Variants in COL6A5 observed in about 807,000 individuals in gnomAD.
The protein encoded by COL6A5 is collagen type VI alpha 5 chain.
Under a neutral mutation model 65.6 loss-of-function variants are expected in COL6A5, and 48 were observed. That is an observed-to-expected ratio of 0.73 (90% CI 0.58 to 0.93). The LOEUF is 0.93. Among genes scored for constraint, COL6A5 ranks in the 40% least tolerant of loss-of-function variants. The pLI is 0.00. For missense variants in COL6A5, 914 were observed against 928.3 expected (o/e 0.98, Z 0.20); for synonymous variants, 291 against 322.8 (o/e 0.90, Z 1.05).
At chr3:130,406,170 G>A (rs1320447967) in exon 16 of COL6A5, 2 of 1,550,500 alleles carry the variant, frequency 1.3e-6, no homozygotes, top group Middle Eastern at 1.7e-4. Context: ...ACTTGATGGG[G>A]AAGAGGTAAG....
chr3:130,465,684 C>T (rs891989583), intron 5 of COL6A5, among the ~76,000 whole-genome samples: 6 of 152,044 alleles, frequency 3.9e-5, no homozygotes, highest in Non-Finnish European at 8.8e-5. Flanking sequence ...AGGAAAATTT[C>T]ACAATGTCTG....
At chr3:130,450,839 G>A (rs1286447962) in intron 4 of COL6A5, among the ~76,000 whole-genome samples, 2 of 152,112 alleles carry the variant, frequency 1.3e-5, no homozygotes, top group Non-Finnish European at 2.9e-5. Flanking sequence ...TGTGGTGAGG[G>A]CATCAAAGTT....
chr3:130,429,428 C>T, upstream of COL6A5: 1 of 626,566 alleles, frequency 1.6e-6, no homozygotes, highest in South Asian at 2.3e-5. Context: ...AATACTTTAA[C>T]CTTGGCTTCC....
At chr3:130,366,158 G>A (rs1935332607) in intron 1 of COL6A5, among the ~76,000 whole-genome samples, 1 of 152,104 alleles carries the variant, frequency 6.6e-6, no homozygotes, top group South Asian at 2.1e-4. Context: ...GCCTTATGAA[G>A]TTGTGGCAAA....
At chr3:130,407,240 G>T (rs1394471741) in intron 17 of COL6A5, among the ~76,000 whole-genome samples, 1 of 152,152 alleles carries the variant, frequency 6.6e-6, no homozygotes, top group Admixed American at 6.5e-5. Flanking sequence ...ACTTCCTGGA[G>T]GGAGCATTAG....
At chr3:130,390,376 T>C (rs1355973843) in intron 6 of COL6A5, among the ~76,000 whole-genome samples, 1 of 152,096 alleles carries the variant, frequency 6.6e-6, no homozygotes, top group Non-Finnish European at 1.5e-5. Flanking sequence ...AAATTAAAAA[T>C]TTGAGACTTT....
At chr3:130,468,686 T>A in intron 5 of COL6A5, 109 bp from the exon 38 acceptor site, 1 of 727,544 alleles carries the variant, frequency 1.4e-6, no homozygotes, top group South Asian at 1.9e-5. Flanking sequence ...GCCATGAGTA[T>A]GGAAATGCAG....
chr3:130,428,257 A>G (rs1424431344), upstream of COL6A5, among the ~76,000 whole-genome samples: 1 of 152,184 alleles, frequency 6.6e-6, no homozygotes, highest in Non-Finnish European at 1.5e-5. Context: ...GATGCAGGCA[A>G]CAGGCCGTTA....
chr3:130,400,925 C>T (rs1001337935), intron 10 of COL6A5, 106 bp from the exon 11 acceptor site: 3 of 941,106 alleles, frequency 3.2e-6, no homozygotes, highest in Admixed American at 3.6e-5. Context: ...GTTTTTTTCC[C>T]CTTTTCAATT....
chr3:130,391,575 C>G (rs1936402409), exon 7 of COL6A5: 1 of 1,551,672 alleles, frequency 6.4e-7, no homozygotes, highest in Non-Finnish European at 8.7e-7. Context: ...AATGACACAG[C>G]ATTGGAACTG....
chr3:130,380,095 T>C (rs1180815235), intron 4 of COL6A5, 45 bp downstream of exon 4: 71 of 1,346,538 alleles, frequency 5.3e-5, no homozygotes, highest in Non-Finnish European at 6.9e-5. Context: ...TTAATATAAG[T>C]GGTTACCTAG....
At chr3:130,425,680 C>T (rs771942677) in intron 29 of COL6A5, among the ~76,000 whole-genome samples, 23 of 152,122 alleles carry the variant, frequency 1.5e-4, no homozygotes, top group East Asian at 9.7e-4. Context: ...GATTTAGTTA[C>T]ACTTCTGTAA....
chr3:130,400,281 C>T (rs1936772743), intron 10 of COL6A5, among the ~76,000 whole-genome samples: 1 of 152,200 alleles, frequency 6.6e-6, no homozygotes, highest in South Asian at 2.1e-4. Context: ...TGTCATGGAA[C>T]CCTGATGTTT....
At chr3:130,466,476 T>TA (rs1427063195) in intron 5 of COL6A5, among the ~76,000 whole-genome samples, 1 of 151,906 alleles carries the variant, frequency 6.6e-6, no homozygotes, top group African/African-American at 2.4e-5. Context: ...AAGCAGTACT[T>TA]ACGGGAAAAT....
intron 5 of COL6A5, among the ~76,000 whole-genome samples, chr3:130,467,268 G>T (rs1020589708): frequency 6.6e-6 from 1 of 151,796 alleles, no homozygotes; most frequent in Admixed American, 6.6e-5. Context: ...AGGGAGGGGG[G>T]AATAAAGAAG....
intron 5 of COL6A5, among the ~76,000 whole-genome samples, chr3:130,459,089 A>G (rs1000619882): frequency 6.6e-6 from 1 of 152,078 alleles, no homozygotes; most frequent in African/African-American, 2.4e-5. Flanking sequence ...GAATTAAAAA[A>G]CAGAATAATT....
chr3:130,362,347 T>G (rs1214398632), intron 1 of COL6A5, among the ~76,000 whole-genome samples: 2 of 111,304 alleles, frequency 1.8e-5, no homozygotes, highest in South Asian at 3.1e-4. Flanking sequence ...TTTTTTTTTT[T>G]GCATGTGGAT....
intron 1 of COL6A5, among the ~76,000 whole-genome samples, chr3:130,369,316 G>A (rs913040234): frequency 3.9e-5 from 6 of 152,144 alleles, no homozygotes; most frequent in Admixed American, 1.3e-4. Context: ...AATTACTTTT[G>A]CAATATTTGT....
exon 6 of COL6A5, chr3:130,388,745 C>G: frequency 6.4e-7 from 1 of 1,551,300 alleles, no homozygotes; most frequent in South Asian, 1.2e-5. Context: ...AGTGATAAAA[C>G]TAAGGAAGAG....
Sources: gnomAD v4.1 joint callset for allele counts (sites outside exome capture counted in the v4.1 genomes callset) on GRCh38, gnomAD v4.1.1 for gene constraint, MANE v1.5 for transcripts, NCBI Gene and HGNC (gene_info 2026-07-23, HGNC 2026-07-21) for gene names.